The following TRIML2 variants were observed in gnomAD, a reference collection of about 807,000 sequenced individuals.
TRIML2 encodes tripartite motif family like 2.
Under a neutral mutation model 31.2 loss-of-function variants are expected in TRIML2, and 28 were observed. That is an observed-to-expected ratio of 0.90 (90% confidence interval 0.66 to 1.23). The LOEUF is 1.23. TRIML2 is among the 50% of genes most tolerant of loss of function. TRIML2 has a pLI of 0.00. For synonymous variants in TRIML2, 187 were observed against 197.5 expected (o/e 0.95, Z 0.45); for missense variants, 536 against 528.3 (o/e 1.01, Z -0.14).
chr4:188,099,318 G>A (rs911710993), intron 4 of TRIML2, 143 bp from the exon 5 acceptor site: 2 of 1,118,806 alleles, frequency 1.8e-6, no homozygotes, highest in Non-Finnish European at 2.5e-6. Flanking sequence ...TGTAATCCCA[G>A]CACTTTGGGT....
At chr4:188,095,189 C>T (rs79983832) in intron 7 of TRIML2, among the ~76,000 whole-genome samples, 20 of 152,206 alleles carry the variant, frequency 1.3e-4, no homozygotes, top group African/African-American at 4.8e-4. Context: ...AACCATAAAA[C>T]TTTTGGAAGG....
At position 188,099,284 on chromosome 4, in the gene TRIML2, C is replaced by T. The variant is rs542326555; in HGVS notation, c.481-109G>A. The T allele has an allele frequency of 6.9e-5, 98 of 1,412,502 alleles. 1 individual carries two copies. In the South Asian group the frequency reaches 8.0e-4, roughly 11 times the overall value. The allele number at this position is 1,412,502 out of a possible 1,614,324, so 87.5% of individuals were successfully genotyped here. On this transcript the variant is annotated intron_variant, in intron 4 of 7. Transcript: ENST00000682553. Reference sequence around the variant, plus strand: ...ACCATGTTTTTAAAAACCTGCTTTTCGGTTGGGCGCAGTGGCTCACGCCTG... The same window carrying T: ...ACCATGTTTTTAAAAACCTGCTTTTTGGTTGGGCGCAGTGGCTCACGCCTG...
intron 7 of TRIML2, 82 bp from the exon 8 acceptor site, chr4:188,092,023 TCCCACTGAGTGGGCACAAGTCCCAGG>T: frequency 7.0e-7 from 1 of 1,418,856 alleles, no homozygotes; most frequent in Non-Finnish European, 9.5e-7. Flanking sequence ...CACCTGGGCT[TCCCACTGAGTGGGCACAAGTCCCAGG>T]CCCAGATACG....
At chr4:188,100,366 G>A (rs1201491986) in intron 4 of TRIML2, among the ~76,000 whole-genome samples, 1 of 152,110 alleles carries the variant, frequency 6.6e-6, no homozygotes, top group Non-Finnish European at 1.5e-5. Context: ...GCAGCAGGTC[G>A]TAGGCCACCC....
rs1455101270 is a variant in TRIML2, at chr4:188,105,010, C to T, written c.190-78G>A. 6 of 1,427,478 alleles carry T rather than the reference C, an allele frequency of 4.2e-6. No individual in the cohort carries two copies. In the East Asian group the frequency reaches 6.8e-5, roughly 16 times the overall value. 88.4% of individuals were successfully genotyped at this position (1,427,478 alleles called of 1,614,324 possible). A position where few individuals can be genotyped will look rare whatever the true frequency, so the allele number is the denominator to read the frequency against. On this transcript the variant is annotated intron_variant, in intron 2 of 7. Coordinates refer to ENST00000682553, the MANE Select transcript of TRIML2 (RefSeq NM_173553.4). Reference sequence around the variant, plus strand: ...ATTCCTGACCTTAAACAGCCAACAACTCTGAGTATATATTTTCTTAGCCTT... The same window carrying T: ...ATTCCTGACCTTAAACAGCCAACAATTCTGAGTATATATTTTCTTAGCCTT...
Position 188,108,412 on chromosome 4 carries a change from C to T in TRIML2, c.-223+831G>A, listed in dbSNP as rs535757015. ...AGAGCCACAGTTTAAGCCTTCCTTT[C>T]ACCAATTCAACTATTGTTTTCCAAA... On this transcript the variant is annotated intron_variant, in intron 1 of 7. Coordinates refer to ENST00000682553, the MANE Select transcript of TRIML2 (RefSeq NM_173553.4). 1.2e-4 allele frequency among the ~76,000 whole-genome samples: 19 copies of T among 152,302 alleles called. No homozygotes were observed. The South Asian group carries it at 2.3e-3, about 18-fold the overall frequency.
In TRIML2 at chr4:188,101,177, C is replaced by A. The variant is rs574771468; in HGVS notation, c.359G>T (p.Cys120Phe). The A allele has an allele frequency of 1.7e-5, 27 of 1,613,808 alleles. No individual in the cohort carries two copies. Among genetic ancestry groups the A allele is most frequent in the Admixed American group, 3.3e-5 (2 of 59,988 alleles). ...SMRLRLLNEE[C>F]EQNLQRQQEC... ...CTGCTGTCTCTGGAGATTCTGCTCA[C>A]ACTCTTCATTCAACAACCGGAGTCT... The change falls in exon 4 of 8, where the codon TGT becomes TTT. Residue 120 changes from cysteine (C) to phenylalanine (F), a missense_variant. Physicochemically the swap from Cys to Phe is radical, Grantham distance 205. Transcript: ENST00000682553.
intron 1 of TRIML2, among the ~76,000 whole-genome samples, chr4:188,106,239 G>T (rs538743537): frequency 6.6e-6 from 1 of 152,192 alleles, no homozygotes; most frequent in African/African-American, 2.4e-5. Context: ...TTGTAGTAGA[G>T]ACGGGGTTTC....
chr4:188,093,042 AAC>A (rs913733698), intron 7 of TRIML2: 4 of 355,520 alleles, frequency 1.1e-5, no homozygotes, highest in South Asian at 2.1e-5. Flanking sequence ...AGTTGGAAAA[AAC>A]ACAGGAATTT....
At chr4:188,092,752 G>T in intron 7 of TRIML2, 1 of 454,592 alleles carries the variant, frequency 2.2e-6, no homozygotes, top group South Asian at 1.6e-5. Context: ...ATCAGCGGAG[G>T]ATGGAACACC....
Position 188,091,721 on chromosome 4 carries a change from G to C in TRIML2, c.966C>G (p.His322Gln). Reference protein sequence around the residue: ...KATRWQVGIYHGSADAKGSTA... With the variant: ...KATRWQVGIYQGSADAKGSTA... The stretch of plus-strand genomic sequence containing the variant: ...TGCTGCCCTTCGCGTCTGCAGAGCC[G>C]TGGTATATGCCCACTTGCCACCTGG... The change falls in exon 8 of 8, where the codon CAC (histidine) becomes CAG (glutamine). Residue 322 changes from histidine to glutamine, a missense_variant. Transcript: ENST00000682553. The C allele has an allele frequency of 6.2e-7, 1 of 1,614,024 alleles. No individual in the cohort carries two copies. The highest frequency in any genetic ancestry group is 8.5e-7 in the Non-Finnish European group (1 of 1,179,930).
intron 3 of TRIML2, 45 bp downstream of exon 3, chr4:188,104,792 T>A (rs1353523210): frequency 4.2e-6 from 6 of 1,430,384 alleles, no homozygotes; most frequent in Non-Finnish European, 5.9e-6. Flanking sequence ...TCTAACAACA[T>A]TACTGGTAAT....
chr4:188,098,083 C>T, intron 5 of TRIML2: 1 of 237,462 alleles, frequency 4.2e-6, no homozygotes, highest in Non-Finnish European at 8.6e-6. Context: ...AATTGCGCCA[C>T]TGCTCCAGCC....
intron 7 of TRIML2, chr4:188,092,779 A>C (rs190159999): frequency 4.4e-6 from 2 of 454,856 alleles, no homozygotes; most frequent in East Asian, 1.4e-4. Flanking sequence ...GACCCTCCAG[A>C]AACTCACGCT....
At chr4:188,107,156 A>T (rs2111194833) in intron 1 of TRIML2, among the ~76,000 whole-genome samples, 1 of 152,142 alleles carries the variant, frequency 6.6e-6, no homozygotes, top group South Asian at 2.1e-4. Flanking sequence ...CTGGGACTAC[A>T]GGCGCGTGAA....
chr4:188,094,087 T>A (rs1733388497), intron 7 of TRIML2, among the ~76,000 whole-genome samples: 1 of 136,908 alleles, frequency 7.3e-6, no homozygotes, highest in Non-Finnish European at 1.5e-5. Flanking sequence ...CCAGACAGCA[T>A]CTCAAAAAAC....
intron 3 of TRIML2, among the ~76,000 whole-genome samples, chr4:188,103,413 G>C (rs1351010117): frequency 6.6e-6 from 1 of 152,096 alleles, no homozygotes; most frequent in Non-Finnish European, 1.5e-5. Context: ...TTTGAAGCTT[G>C]TATTTCATTG....
intron 6 of TRIML2, 28 bp downstream of exon 6, chr4:188,097,295 AC>A (rs927167906): frequency 6.2e-7 from 1 of 1,612,894 alleles, no homozygotes; most frequent in Non-Finnish European, 8.5e-7. Context: ...TCTGATTCTC[AC>A]CCAATTGTAT....
intron 5 of TRIML2, chr4:188,098,381 A>G: frequency 3.0e-6 from 1 of 337,048 alleles, no homozygotes; most frequent in Non-Finnish European, 5.9e-6. Flanking sequence ...CCTCTTTTAT[A>G]AGAGCCCTAA....
Sources: gnomAD v4.1 joint callset for allele counts (sites outside exome capture counted in the v4.1 genomes callset) on GRCh38, gnomAD v4.1.1 for gene constraint, MANE v1.5 for transcripts, NCBI Gene and HGNC (gene_info 2026-07-23, HGNC 2026-07-21) for gene names.